The following SDK2 variants were observed in gnomAD, a reference collection of about 807,000 sequenced individuals.
SDK2 encodes sidekick cell adhesion molecule 2.
Under a neutral mutation model 253.9 loss-of-function variants are expected in SDK2, and 105 were observed. The ratio of observed to expected loss-of-function variants is 0.41; its 90% CI spans 0.35 to 0.49. The LOEUF (loss-of-function observed/expected upper bound fraction) is 0.49, where lower values mean the gene tolerates loss of function less well. Among genes scored for constraint, SDK2 ranks in the 20% least tolerant of loss-of-function variants. SDK2 has a pLI of 0.06. For missense variants in SDK2, 2,608 were observed against 3,003.0 expected (o/e 0.87, Z 3.07); for synonymous variants, 1,249 against 1,234.9 (o/e 1.01, Z -0.24).
At chr17:73,369,042 T>A in intron 36 of SDK2, 1 of 381,620 alleles carries the variant, frequency 2.6e-6, no homozygotes, top group Non-Finnish European at 5.4e-6. Flanking sequence ...TAAGAACTGT[T>A]TTAGAAACCT....
intron 2 of SDK2, among the ~76,000 whole-genome samples, chr17:73,499,578 A>G (rs575795811): frequency 6.6e-6 from 1 of 152,198 alleles, no homozygotes; most frequent in Non-Finnish European, 1.5e-5. Context: ...CAGAAGAATG[A>G]CACACAGTGA....
intron 29 of SDK2, among the ~76,000 whole-genome samples, chr17:73,388,310 G>T (rs924300432): frequency 9.2e-5 from 14 of 152,174 alleles, no homozygotes; most frequent in Admixed American, 9.2e-4. Flanking sequence ...GATTGACGGT[G>T]AGGAGTGACA....
intron 1 of SDK2, among the ~76,000 whole-genome samples, chr17:73,538,739 A>G (rs1460102853): frequency 6.6e-6 from 1 of 152,176 alleles, no homozygotes; most frequent in Non-Finnish European, 1.5e-5. Context: ...AGAGGACAGA[A>G]AATCACATAA....
Position 73,481,330 on chromosome 17 carries a change from C to T in SDK2, c.225-9112G>A, listed in dbSNP as rs1036215875. Among the ~76,000 whole-genome samples, 2 of 152,100 alleles carry T rather than the reference C, an allele frequency of 1.3e-5. No individual in the cohort carries two copies. Among genetic ancestry groups the T allele is most frequent in the African/African-American group, 2.4e-5 (1 of 41,420 alleles). On this transcript the variant is annotated intron_variant, in intron 2 of 44. Coordinates refer to ENST00000392650, the MANE Select transcript of SDK2 (RefSeq NM_001144952.2). The surrounding 1 kb of genome is among the most constrained non-coding windows in gnomAD (Gnocchi z 4.5). ...AACCTGAGGGTGGAGAGGGGGTACC[C>T]GCAGTGGACAGAACAGGGAGGAACC...
chr17:73,466,140 C>T (rs2063595623), intron 3 of SDK2, among the ~76,000 whole-genome samples: 1 of 152,182 alleles, frequency 6.6e-6, no homozygotes, highest in Non-Finnish European at 1.5e-5. Context: ...TGGGCACCCT[C>T]ACTGCCTGGT....
Position 73,338,445 on chromosome 17 carries a change from C to T in SDK2, c.*142G>A, listed in dbSNP as rs1433387220. 1.4e-6 allele frequency: 1 copy of T among 704,688 alleles called. No homozygotes were observed. The allele number at this position is 704,688 out of a possible 1,614,324, so 43.7% of individuals were successfully genotyped here. A position where few individuals can be genotyped will look rare whatever the true frequency, so the allele number is the denominator to read the frequency against. ...CCTTCTGAACGCCGGCTTTGCTGGC[C>T]CTGGAATCTCTGGAAAAATAAACTC... On this transcript the variant is annotated 3_prime_UTR_variant, in exon 45 of 45. Coordinates refer to ENST00000392650, the MANE Select transcript of SDK2 (RefSeq NM_001144952.2). The surrounding 1 kb of genome is among the most constrained non-coding windows in gnomAD (Gnocchi z 5.0).
At chr17:73,521,075 C>T (rs1254495169) in intron 1 of SDK2, 1 of 141,328 alleles carries the variant, frequency 7.1e-6, no homozygotes, top group African/African-American at 2.6e-5. Flanking sequence ...GGGTCTCGCT[C>T]TGCTGCCCAG....
rs957238549 is a variant in SDK2 at position 73,507,674 on chromosome 17, C to T, written c.65-77G>A. 4.2e-6 allele frequency: 6 copies of T among 1,433,786 alleles called. No homozygotes were observed. The African/African-American group carries it at 8.5e-5, about 20-fold the overall frequency. 88.8% of individuals were successfully genotyped at this position (1,433,786 alleles called of 1,614,324 possible). On this transcript the variant is annotated intron_variant, in intron 1 of 44. Coordinates refer to ENST00000392650, the MANE Select transcript of SDK2 (RefSeq NM_001144952.2). ...ACCTGGTGCGTTTAGTATCCTAAGG[C>T]CCTTAGGCAGATGGAGCAGGTGCAG...
At chr17:73,382,232 AAAAG>A (rs1568374536) in intron 33 of SDK2, among the ~76,000 whole-genome samples, 1 of 151,970 alleles carries the variant, frequency 6.6e-6, no homozygotes, top group Non-Finnish European at 1.5e-5. Context: ...AAAAAAAAAA[AAAAG>A]AAGAGGCTCT....
chr17:73,498,735 G>A (rs1001385660), intron 2 of SDK2, among the ~76,000 whole-genome samples: 3 of 152,170 alleles, frequency 2.0e-5, no homozygotes, highest in African/African-American at 7.2e-5. Context: ...CGCAGTGTGG[G>A]GCCTGGCATG....
rs1256795127 is a variant in SDK2 at position 73,589,808 on chromosome 17, C to T, written c.64+54217G>A. Among the ~76,000 whole-genome samples the T allele has an allele frequency of 2.0e-5, 3 of 152,380 alleles. No homozygotes were observed. The South Asian group carries it at 6.2e-4, about 32-fold the overall frequency. On this transcript the variant is annotated intron_variant, in intron 1 of 44. Coordinates refer to ENST00000392650, the MANE Select transcript of SDK2 (RefSeq NM_001144952.2). ...GCACATTTGGTTTTGAGCAGCCCCG[C>T]AGAGCCACTGCGGATTAGCAGGTGT... is the stretch of plus-strand genomic sequence containing the variant.
intron 1 of SDK2, among the ~76,000 whole-genome samples, chr17:73,600,927 G>A (rs931333226): frequency 2.0e-5 from 3 of 152,090 alleles, no homozygotes; most frequent in Non-Finnish European, 4.4e-5. Context: ...AGAGTCTGGG[G>A]GGCAGGACTC....
At chr17:73,637,356 A>G (rs992711103) in intron 1 of SDK2, among the ~76,000 whole-genome samples, 1 of 152,160 alleles carries the variant, frequency 6.6e-6, no homozygotes, top group Admixed American at 6.5e-5. Flanking sequence ...ATGGGCTACA[A>G]TCAGAAGAAA....
At chr17:73,388,833 CTT>C in intron 29 of SDK2, among the ~76,000 whole-genome samples, 4 of 115,982 alleles carry the variant, frequency 3.4e-5, no homozygotes, top group African/African-American at 1.3e-4. Context: ...TCCTTCCTTC[CTT>C]CCCCCCTCCT....
chr17:73,405,514 A>ATG (rs2063069195), intron 18 of SDK2, among the ~76,000 whole-genome samples: 2 of 84,694 alleles, frequency 2.4e-5, no homozygotes, highest in African/African-American at 4.0e-5. Flanking sequence ...ATATATATAT[A>ATG]TATAAAGATC....
chr17:73,407,421 G>A (rs1248709213), intron 18 of SDK2, among the ~76,000 whole-genome samples: 1 of 151,892 alleles, frequency 6.6e-6, no homozygotes. Flanking sequence ...GCATAATAAT[G>A]GTAATGGATT....
At chr17:73,486,036 A>T (rs1469080365) in intron 2 of SDK2, among the ~76,000 whole-genome samples, 3 of 152,198 alleles carry the variant, frequency 2.0e-5, no homozygotes, top group Non-Finnish European at 4.4e-5. Context: ...CTGACCATGT[A>T]CAATGATGCT....
chr17:73,335,076 G>C lies in SDK2; in HGVS notation c.*3511C>G, dbSNP rs1421540677. The C allele has an allele frequency of 6.6e-6, 1 of 152,420 alleles. No individual in the cohort carries two copies. Among genetic ancestry groups the C allele is most frequent in the Non-Finnish European group, 1.5e-5 (1 of 68,244 alleles). 9.4% of individuals were successfully genotyped at this position (152,420 alleles called of 1,614,324 possible). A position where few individuals can be genotyped will look rare whatever the true frequency, so the allele number is the denominator to read the frequency against. On this transcript the variant is annotated 3_prime_UTR_variant, in exon 45 of 45. Coordinates refer to ENST00000392650, the MANE Select transcript of SDK2 (RefSeq NM_001144952.2). ...TCTAAATCACGGCAGTGCCAGGTTT[G>C]GGGGTAGGAGTTTTGGGGGCCGGGG... is the stretch of plus-strand genomic sequence containing the variant.
chr17:73,600,016 GC>G (rs1324762239), intron 1 of SDK2, among the ~76,000 whole-genome samples: 1 of 152,242 alleles, frequency 6.6e-6, no homozygotes, highest in African/African-American at 2.4e-5. Context: ...ACCCGTAGCA[GC>G]CCCTCGTCAC....
Sources: gnomAD v4.1 joint callset for allele counts (sites outside exome capture counted in the v4.1 genomes callset) on GRCh38, gnomAD v4.1.1 for gene constraint, Gnocchi (gnomAD v3.1) non-coding constraint, MANE v1.5 for transcripts, NCBI Gene and HGNC (gene_info 2026-07-23, HGNC 2026-07-21) for gene names.